The following WFS1 variants were observed in gnomAD, a reference collection of about 807,000 sequenced individuals.
The protein encoded by WFS1 is wolframin ER transmembrane glycoprotein, also known as wolframin.
A neutral mutation model predicts 68.5 loss-of-function variants in WFS1; 90 were observed. The observed-to-expected ratio is 1.31, with a 90% CI of 1.11 to 1.56. The LOEUF (loss-of-function observed/expected upper bound fraction) is 1.56. Ranked by LOEUF, WFS1 falls within the 40% of genes most tolerant of loss-of-function variation. WFS1 has a pLI of 0.00. For missense variants in WFS1, 1,767 were observed against 1,232.6 expected (o/e 1.43, Z -6.49); for synonymous variants, 860 against 540.7 (o/e 1.59, Z -8.19).
chr4:6,293,595 C>G (rs10937719), intron 6 of WFS1, among the ~76,000 whole-genome samples: 98,484 of 152,058 alleles, frequency 0.65, 32,445 homozygotes, highest in East Asian at 0.94. Context: ...GCAGAGATGA[C>G]TGCTCTTCTC....
At chr4:6,284,270 G>C (rs1216748224) in intron 2 of WFS1, among the ~76,000 whole-genome samples, 1 of 152,174 alleles carries the variant, frequency 6.6e-6, no homozygotes, top group Non-Finnish European at 1.5e-5. Flanking sequence ...CTACTCAGGA[G>C]GCTGAGGCAG....
At chr4:6,281,627 CG>C (rs1205472630) in intron 2 of WFS1, among the ~76,000 whole-genome samples, 1 of 151,906 alleles carries the variant, frequency 6.6e-6, no homozygotes, top group Non-Finnish European at 1.5e-5. Flanking sequence ...TGGTTCCCGG[CG>C]GGGTCCGAGC....
intron 7 of WFS1, among the ~76,000 whole-genome samples, chr4:6,296,553 C>T (rs2109120571): frequency 6.6e-6 from 1 of 152,298 alleles, no homozygotes; most frequent in East Asian, 1.9e-4. Context: ...GATTGGGTGC[C>T]ATCATCTCCT....
In WFS1 at chr4:6,291,181, A is replaced by AT; in HGVS notation, c.461-16_461-15insT. ...GGCAGGGCACACAAGGCCTTTGACC[A>AT]CATCCTATCCCTCAGGCATCACGTC... On this transcript the variant is annotated splice_polypyrimidine_tract_variant and intron_variant, in intron 4 of 7. Transcript: ENST00000226760. 1 of 1,611,456 alleles carries AT rather than the reference A, an allele frequency of 6.2e-7. No homozygotes were observed. Among genetic ancestry groups the AT allele is most frequent in the Non-Finnish European group, 8.5e-7 (1 of 1,179,874 alleles).
chr4:6,280,884 T>A (rs1175467825), intron 2 of WFS1, among the ~76,000 whole-genome samples: 2 of 150,774 alleles, frequency 1.3e-5, no homozygotes, highest in Non-Finnish European at 3.0e-5. Context: ...GCTTTCCGAG[T>A]CGTACCCGCC....
At position 6,300,982 on chromosome 4, in the gene WFS1, A is replaced by G. The variant is rs762961939; in HGVS notation, c.1187A>G (p.Asn396Ser). 8 of 1,613,846 alleles carry G rather than the reference A, an allele frequency of 5.0e-6. No individual in the cohort carries two copies. Among genetic ancestry groups the G allele is most frequent in the Non-Finnish European group, 5.1e-6 (6 of 1,180,014 alleles). Reference protein sequence around the residue: ...PNLDVEQAEVNFGWNHLEPYA... With the variant: ...PNLDVEQAEVSFGWNHLEPYA... Reference sequence around the variant, plus strand: ...CTGGATGTGGAGCAGGCCGAGGTCAACTTCGGCTGGAACCACCTGGAGCCC... The same window carrying G: ...CTGGATGTGGAGCAGGCCGAGGTCAGCTTCGGCTGGAACCACCTGGAGCCC... The change falls in exon 8 of 8, where the codon AAC becomes AGC. Residue 396 changes from asparagine (N) to serine (S), a missense_variant. Asn to Ser is a conservative substitution (Grantham distance 46). Coordinates refer to ENST00000226760, the MANE Select transcript of WFS1 (RefSeq NM_006005.3).
rs71532858 is a variant in WFS1 at position 6,301,565 on chromosome 4, G to A, written c.1770G>A (p.Thr590=). The A allele has an allele frequency of 6.8e-5, 110 of 1,614,158 alleles. No individual in the cohort carries two copies. The highest frequency in any genetic ancestry group is 3.3e-4 in the Middle Eastern group (2 of 6,062). ...VGVLQFARWF[T]SLELTKIAVT... is the part of the protein sequence containing the mutation. ...TGCTGCAGTTCGCCCGGTGGTTCAC[G>A]TCTCTGGAGCTCACCAAGATCGCAG... Residue 590 remains threonine (T), a synonymous_variant, in exon 8 of 8, where the codon ACG becomes ACA. Coordinates refer to ENST00000226760, the MANE Select transcript of WFS1 (RefSeq NM_006005.3).
Position 6,302,393 on chromosome 4 carries a change from C to CTGGCGCAGCACCGTGCA in WFS1, c.2605_2621dup (p.Val875AlafsTer7). On this transcript the variant is annotated frameshift_variant, in exon 8 of 8. Coordinates refer to ENST00000226760, the MANE Select transcript of WFS1 (RefSeq NM_006005.3). LOFTEE classifies it high-confidence loss of function. ...GGCGGCACGTGAAGATCGAGCACGA[C>CTGGCGCAGCACCGTGCA]TGGCGCAGCACCGTGCATGGCGCCG... The CTGGCGCAGCACCGTGCA allele has an allele frequency of 1.2e-6, 2 of 1,613,148 alleles. No homozygotes were observed. Among genetic ancestry groups the CTGGCGCAGCACCGTGCA allele is most frequent in the Non-Finnish European group, 1.7e-6 (2 of 1,179,988 alleles).
In WFS1 at chr4:6,301,619, G is replaced by A. The variant is rs1224321509; in HGVS notation, c.1824G>A (p.Leu608=). 1.4e-5 allele frequency: 22 copies of A among 1,614,030 alleles called. No individual in the cohort carries two copies. Among genetic ancestry groups the A allele is most frequent in the Non-Finnish European group, 1.8e-5 (21 of 1,180,026 alleles). The change falls in exon 8 of 8, where the codon CTG becomes CTA. Residue 608 remains leucine (L), a synonymous_variant. Coordinates refer to ENST00000226760, the MANE Select transcript of WFS1 (RefSeq NM_006005.3). The stretch of plus-strand genomic sequence containing the variant: ...CCGTGGCGGTCTGTAGTGTGCCCCT[G>A]CTGTTGCGCTGGTGGACCAAGGCCA... The part of the protein sequence containing the change: ...AVTVAVCSVP[L]LLRWWTKASF...
chr4:6,282,763 C>A (rs950275989), intron 2 of WFS1, among the ~76,000 whole-genome samples: 1 of 152,204 alleles, frequency 6.6e-6, no homozygotes, highest in African/African-American at 2.4e-5. Context: ...TGGGAAGAAG[C>A]CTTCCCTCCA....
intron 6 of WFS1, among the ~76,000 whole-genome samples, chr4:6,292,948 C>T (rs1578598856): frequency 2.0e-5 from 3 of 152,222 alleles, no homozygotes; most frequent in South Asian, 4.1e-4. Flanking sequence ...TCAGAGCCCT[C>T]GCCTCTGCGT....
At chr4:6,281,909 A>G (rs1339398569) in intron 2 of WFS1, among the ~76,000 whole-genome samples, 6 of 152,204 alleles carry the variant, frequency 3.9e-5, no homozygotes, top group Non-Finnish European at 8.8e-5. Flanking sequence ...GGAACTTGGC[A>G]GTGTGCCTGT....
chr4:6,302,468 A>C lies in WFS1; in HGVS notation c.2673A>C (p.Ter891CysextTer14), dbSNP rs755542327. The part of the protein sequence containing the change: ...FFFFPFLSAA[*>C] ...TCTTCCCATTCCTGTCGGCGGCCTGAGGATGGTCCGCCACGAGGAGCTTCC... is the reference window on the plus strand; with the variant it reads ...TCTTCCCATTCCTGTCGGCGGCCTGCGGATGGTCCGCCACGAGGAGCTTCC... The change falls in exon 8 of 8, where the codon TGA (stop) becomes TGC (cysteine). Residue 891 changes from the stop codon to cysteine (C), a stop_lost. Coordinates refer to ENST00000226760, the MANE Select transcript of WFS1 (RefSeq NM_006005.3). 2 of 1,612,608 alleles carry C rather than the reference A, an allele frequency of 1.2e-6. No individual in the cohort carries two copies. The highest frequency in any genetic ancestry group is 1.7e-6 in the Non-Finnish European group (2 of 1,180,034).
chr4:6,292,697 G>A (rs757697052), intron 6 of WFS1, among the ~76,000 whole-genome samples: 13 of 152,196 alleles, frequency 8.5e-5, no homozygotes, highest in Non-Finnish European at 1.3e-4. Context: ...TGGGGGCTCA[G>A]TATCAATGGG....
rs1730910271 is a variant in WFS1, at chr4:6,301,483, A to C, written c.1688A>C (p.Tyr563Ser). 1 of 1,612,994 alleles carries C rather than the reference A, an allele frequency of 6.2e-7. No homozygotes were observed. The part of the protein sequence containing the change: ...GLGLLRASIG[Y>S]FLFLFALPIL... The stretch of plus-strand genomic sequence containing the variant: ...GGGCTGCTCCGCGCCTCCATCGGCT[A>C]CTTCCTCTTCCTCTTTGCCCTCCCC... The change falls in exon 8 of 8, where the codon TAC becomes TCC. Residue 563 changes from tyrosine (Y) to serine (S), a missense_variant. By Grantham distance (144) the Tyr-to-Ser change is moderately radical. Transcript: ENST00000226760.
intron 1 of WFS1, among the ~76,000 whole-genome samples, chr4:6,275,738 C>T (rs1427886838): frequency 6.6e-6 from 1 of 152,132 alleles, no homozygotes; most frequent in Non-Finnish European, 1.5e-5. Context: ...ATCTTTAGGA[C>T]TCATTTGCAG....
chr4:6,298,307 A>T (rs1449774306), intron 7 of WFS1, among the ~76,000 whole-genome samples: 1 of 152,200 alleles, frequency 6.6e-6, no homozygotes, highest in African/African-American at 2.4e-5. Flanking sequence ...ACCCTGGAGT[A>T]GGTTGGTTTT....
At chr4:6,298,587 C>CT (rs1730716819) in intron 7 of WFS1, among the ~76,000 whole-genome samples, 1 of 150,048 alleles carries the variant, frequency 6.7e-6, no homozygotes, top group South Asian at 2.1e-4. Flanking sequence ...CTCCTAAACA[C>CT]TTCCGTTTCT....
At chr4:6,288,743 A>T in intron 3 of WFS1, 1 of 577,306 alleles carries the variant, frequency 1.7e-6, no homozygotes, top group Non-Finnish European at 3.2e-6. Flanking sequence ...TACCAGTCGG[A>T]GCCCGTGTCT....
Sources: gnomAD v4.1 joint callset for allele counts (sites outside exome capture counted in the v4.1 genomes callset) on GRCh38, gnomAD v4.1.1 for gene constraint, MANE v1.5 for transcripts, NCBI Gene and HGNC (gene_info 2026-07-23, HGNC 2026-07-21) for gene names.